SV2B: variants seen among roughly 807,000 people sequenced by gnomAD.
The protein encoded by SV2B is synaptic vesicle glycoprotein 2B, also known as solute carrier family 22 member B2.
Under a neutral mutation model 73.9 loss-of-function variants are expected in SV2B, and 41 were observed. The observed-to-expected ratio is 0.56, with a 90% CI of 0.43 to 0.72. The LOEUF is 0.72. Ranked by LOEUF, SV2B falls within the 30% of genes least tolerant of loss-of-function variation. SV2B has a pLI of 0.00. For synonymous variants in SV2B, 314 were observed against 314.2 expected, an observed-to-expected ratio of 1.00 and a Z score of 0.01; for missense variants, 764 against 857.8, an observed-to-expected ratio of 0.89 and a Z score of 1.37.
Position 91,299,811 on chromosome 15 carries a change from A to G in SV2B, c.*7259A>G, listed in dbSNP as rs894897746. On this transcript the variant is annotated 3_prime_UTR_variant, in exon 13 of 13. Transcript: ENST00000394232. ...AGGCATGCGCCACCATGCCTGGCTA[A>G]TTTTTGTATTTTTAGTAGAGACGGG... is the stretch of plus-strand genomic sequence containing the variant. The G allele has an allele frequency of 2.0e-5, 3 of 151,952 alleles. No individual in the cohort carries two copies. Among genetic ancestry groups the G allele is most frequent in the Admixed American group, 2.0e-4 (3 of 15,260 alleles). The allele number at this position is 151,952 out of a possible 1,614,324, so 9.4% of individuals were successfully genotyped here. A position where few individuals can be genotyped will look rare whatever the true frequency, so the allele number is the denominator to read the frequency against.
intron 10 of SV2B, among the ~76,000 whole-genome samples, chr15:91,282,132 G>A (rs1189210002): frequency 6.6e-6 from 1 of 152,230 alleles, no homozygotes; most frequent in South Asian, 2.1e-4. Flanking sequence ...TGTCAGTGAG[G>A]CTGATGCTAT....
At chr15:91,199,332 G>C (rs963879299) in intron 1 of SV2B, among the ~76,000 whole-genome samples, 1 of 152,180 alleles carries the variant, frequency 6.6e-6, no homozygotes, top group Non-Finnish European at 1.5e-5. Flanking sequence ...TAAGGGGGCA[G>C]ACCCAGGTCT....
chr15:91,209,111 T>TTTG (rs1434098282), intron 1 of SV2B, among the ~76,000 whole-genome samples: 11 of 138,342 alleles, frequency 8.0e-5, no homozygotes, highest in African/African-American at 3.2e-4. Flanking sequence ...AGTACTGTTT[T>TTTG]TTGTTTTTTT....
chr15:91,247,288 C>T (rs920055541), intron 2 of SV2B, among the ~76,000 whole-genome samples: 3 of 152,150 alleles, frequency 2.0e-5, no homozygotes, highest in African/African-American at 7.2e-5. Context: ...TCAGCCTCCT[C>T]GTCTGGTAAA....
In SV2B at chr15:91,240,691, T is replaced by C. The variant is rs1261481543; in HGVS notation, c.452-11128T>C. ...ACCAAGATCAGGACTAATTTCATTATGCTCTTTATCCCTGTATGTCAATCA... is the reference window on the plus strand; with the variant it reads ...ACCAAGATCAGGACTAATTTCATTACGCTCTTTATCCCTGTATGTCAATCA... On this transcript the variant is annotated intron_variant, in intron 2 of 12. Transcript: ENST00000394232. This position sits in a 1 kb window ranked among gnomAD's most constrained non-coding sequence, Gnocchi z 4.6. Among the ~76,000 whole-genome samples the C allele has an allele frequency of 6.6e-6, 1 of 152,192 alleles. No homozygotes were observed.
At chr15:91,125,343 C>T (rs182539542) in intron 1 of SV2B, among the ~76,000 whole-genome samples, 13 of 152,172 alleles carry the variant, frequency 8.5e-5, no homozygotes, top group East Asian at 1.9e-4. Context: ...TGTTCTGTGC[C>T]GGGTACTGCA....
At chr15:91,109,014 C>A (rs1225664274) in intron 1 of SV2B, among the ~76,000 whole-genome samples, 1 of 152,180 alleles carries the variant, frequency 6.6e-6, no homozygotes, top group Non-Finnish European at 1.5e-5. Flanking sequence ...CATTAATTTT[C>A]TTTTCACAAA....
At chr15:91,273,778 G>A (rs1056631974) in intron 9 of SV2B, among the ~76,000 whole-genome samples, 1 of 152,086 alleles carries the variant, frequency 6.6e-6, no homozygotes, top group African/African-American at 2.4e-5. Context: ...AATTGATGAA[G>A]CATTACTCCT....
At chr15:91,210,087 A>G (rs1397006002) in intron 1 of SV2B, among the ~76,000 whole-genome samples, 1 of 151,984 alleles carries the variant, frequency 6.6e-6, no homozygotes, top group Non-Finnish European at 1.5e-5. Context: ...AGGGCCAATG[A>G]CACCCGGGGG....
intron 1 of SV2B, among the ~76,000 whole-genome samples, chr15:91,127,274 G>A (rs1379669777): frequency 2.0e-5 from 3 of 152,176 alleles, no homozygotes; most frequent in East Asian, 1.9e-4. Flanking sequence ...AGAGAAGGGT[G>A]TGGACAAGAC....
intron 1 of SV2B, among the ~76,000 whole-genome samples, chr15:91,201,927 C>T (rs1384191329): frequency 6.6e-6 from 1 of 152,202 alleles, no homozygotes; most frequent in Non-Finnish European, 1.5e-5. Flanking sequence ...AATCTATTCT[C>T]AACATAGCAG....
intron 2 of SV2B, among the ~76,000 whole-genome samples, chr15:91,233,294 C>A (rs982281313): frequency 3.3e-5 from 5 of 152,248 alleles, no homozygotes; most frequent in Middle Eastern, 3.4e-3. Context: ...TACCTTCAAA[C>A]ATTTTTGTGA....
intron 4 of SV2B, among the ~76,000 whole-genome samples, chr15:91,256,599 AG>A: frequency 6.6e-6 from 1 of 152,338 alleles, no homozygotes; most frequent in Non-Finnish European, 1.5e-5. Flanking sequence ...TGTTACTCCC[AG>A]GAGAAAGGAA....
At chr15:91,184,067 CTG>C (rs918311574) in intron 1 of SV2B, among the ~76,000 whole-genome samples, 14 of 152,142 alleles carry the variant, frequency 9.2e-5, no homozygotes, top group African/African-American at 3.4e-4. Context: ...GAACAGTTAA[CTG>C]TCACAATATT....
chr15:91,193,049 T>C lies in SV2B; in HGVS notation c.-391-32824T>C, dbSNP rs1256013226. On this transcript the variant is annotated intron_variant, in intron 1 of 12. Transcript: ENST00000394232. ...ATCTACTCATTTGTTTTCTGTCTGTTAATCCACAGTGGTCCCTTCGACTCA... is the reference window on the plus strand; with the variant it reads ...ATCTACTCATTTGTTTTCTGTCTGTCAATCCACAGTGGTCCCTTCGACTCA... Among the ~76,000 whole-genome samples the C allele has an allele frequency of 2.0e-5, 3 of 152,270 alleles. No homozygotes were observed. The East Asian group carries it at 5.8e-4, about 29-fold the overall frequency.
intron 2 of SV2B, among the ~76,000 whole-genome samples, chr15:91,246,747 C>CCTTCTT (rs564091861): frequency 6.9e-6 from 1 of 145,964 alleles, no homozygotes; most frequent in Non-Finnish European, 1.5e-5. Flanking sequence ...TCCTCCTCCT[C>CCTTCTT]CTTCTTCTCC....
intron 1 of SV2B, among the ~76,000 whole-genome samples, chr15:91,147,731 G>A (rs1055246345): frequency 2.0e-5 from 3 of 152,082 alleles, no homozygotes; most frequent in East Asian, 1.9e-4. Context: ...GCCTGAATCC[G>A]GGAAGGGAGA....
At chr15:91,256,667 C>A (rs1173672474) in intron 4 of SV2B, among the ~76,000 whole-genome samples, 1 of 152,156 alleles carries the variant, frequency 6.6e-6, no homozygotes, top group Admixed American at 6.5e-5. Flanking sequence ...TGATAAGAGA[C>A]CAAGCTGTGC....
chr15:91,216,702 C>T (rs1186955489), intron 1 of SV2B, among the ~76,000 whole-genome samples: 1 of 151,588 alleles, frequency 6.6e-6, no homozygotes, highest in Non-Finnish European at 1.5e-5. Flanking sequence ...AACTTCCAAC[C>T]TCAGGTGATC....
Sources: allele counts gnomAD v4.1 joint callset (sites outside exome capture counted in the v4.1 genomes callset), GRCh38; gene constraint gnomAD v4.1.1; non-coding constraint Gnocchi (gnomAD v3.1); transcripts MANE v1.5; gene names NCBI Gene and HGNC (gene_info 2026-07-23, HGNC 2026-07-21).